Variants in CSMD1 observed in about 807,000 individuals in gnomAD.
The protein encoded by CSMD1 is CUB and Sushi multiple domains 1.
In CSMD1, 213 loss-of-function variants were observed where a neutral mutation model predicts 417.5. The observed-to-expected ratio is 0.51, with a 90% confidence interval of 0.46 to 0.57. The LOEUF (loss-of-function observed/expected upper bound fraction) is 0.57, where lower values mean the gene tolerates loss of function less well. CSMD1 is among the 20% of genes least tolerant of loss of function. The probability of loss-of-function intolerance (pLI) is 0.00; values close to 1 mark genes in which losing one functional copy is unlikely to be tolerated. For synonymous variants in CSMD1, 2,862 were observed against 1,736.8 expected, an observed-to-expected ratio of 1.65 and a Z score of -16.11; for missense variants, 6,923 against 4,529.7, an observed-to-expected ratio of 1.53 and a Z score of -15.17.
At chr8:3,736,620 G>T (rs548741423) in intron 6 of CSMD1, among the ~76,000 whole-genome samples, 1 of 152,182 alleles carries the variant, frequency 6.6e-6, no homozygotes, top group Non-Finnish European at 1.5e-5. Context: ...GGCAATGGCA[G>T]AGTGAATCTT....
chr8:4,603,569 C>T (rs1800706451), intron 2 of CSMD1, among the ~76,000 whole-genome samples: 1 of 152,058 alleles, frequency 6.6e-6, no homozygotes, highest in Admixed American at 6.6e-5. Context: ...TAAGTGACCT[C>T]ATGATTTCAT....
intron 5 of CSMD1, among the ~76,000 whole-genome samples, chr8:3,787,249 T>G (rs1799500300): frequency 6.6e-6 from 1 of 152,108 alleles, no homozygotes; most frequent in Non-Finnish European, 1.5e-5. Context: ...AAAAAGAATT[T>G]GAAAAAACTT....
rs377693499 is a variant in CSMD1 at position 4,611,534 on chromosome 8, C to G, written c.302+25808G>C. On this transcript the variant is annotated intron_variant, in intron 2 of 69. Coordinates refer to ENST00000635120, the MANE Select transcript of CSMD1 (RefSeq NM_033225.6). The stretch of plus-strand genomic sequence containing the variant: ...AAAACTATCGCAATTTATTAAGACC[C>G]GTATATGTATTGCCAAATTGCCTTC... Among the ~76,000 whole-genome samples the G allele has an allele frequency of 4.0e-4, 61 of 152,170 alleles. 1 individual carries two copies. In the South Asian group the frequency reaches 0.012, roughly 29 times the overall value.
chr8:3,954,646 G>A (rs574396692), intron 5 of CSMD1, among the ~76,000 whole-genome samples: 2 of 152,352 alleles, frequency 1.3e-5, no homozygotes, highest in East Asian at 3.9e-4. Context: ...ACAGGCGTGA[G>A]CCACCGCACC....
chr8:4,162,023 G>A (rs750372305), intron 3 of CSMD1, among the ~76,000 whole-genome samples: 4 of 152,118 alleles, frequency 2.6e-5, no homozygotes, highest in South Asian at 2.1e-4. Context: ...ATTTGCCTTC[G>A]ACTTTGCTAA....
chr8:3,618,467 A>G (rs946260094), intron 7 of CSMD1, among the ~76,000 whole-genome samples: 26 of 150,120 alleles, frequency 1.7e-4, no homozygotes, highest in Admixed American at 4.6e-4. Flanking sequence ...CTTTTTTAAA[A>G]TAAGTTTTTT....
chr8:3,910,541 G>T (rs1808397654), intron 5 of CSMD1, among the ~76,000 whole-genome samples: 1 of 152,260 alleles, frequency 6.6e-6, no homozygotes, highest in African/African-American at 2.4e-5. Flanking sequence ...TTCAAATGGT[G>T]CCTTCAGAAT....
intron 6 of CSMD1, among the ~76,000 whole-genome samples, chr8:3,729,189 A>G (rs2129046998): frequency 6.6e-6 from 1 of 152,338 alleles, no homozygotes; most frequent in African/African-American, 2.4e-5. Context: ...CTGCCACGCA[A>G]TAAGCAATGC....
rs147465481 is a variant in CSMD1, at chr8:4,687,884, C to G, written c.86-50326G>C. Among the ~76,000 whole-genome samples, 449 of 152,064 alleles carry G rather than the reference C, an allele frequency of 3.0e-3. 2 individuals carry two copies. The highest frequency in any genetic ancestry group is 4.8e-3 in the Non-Finnish European group (324 of 67,976). Reference sequence around the variant, plus strand: ...ACACTCATCTCCTGCATGCCTGTGTCAGGAGCCAATCTGGATAACGACATG... The same window carrying G: ...ACACTCATCTCCTGCATGCCTGTGTGAGGAGCCAATCTGGATAACGACATG... On this transcript the variant is annotated intron_variant, in intron 1 of 69. Transcript: ENST00000635120.
chr8:3,722,304 T>C (rs541671176), intron 6 of CSMD1, among the ~76,000 whole-genome samples: 2 of 152,194 alleles, frequency 1.3e-5, no homozygotes, highest in African/African-American at 2.4e-5. Flanking sequence ...TGAGACTCCA[T>C]CTCAAATAAA....
chr8:4,268,840 G>C (rs918541777), intron 3 of CSMD1, among the ~76,000 whole-genome samples: 3 of 151,874 alleles, frequency 2.0e-5, no homozygotes, highest in Non-Finnish European at 2.9e-5. Context: ...TCTTAATATG[G>C]GAGAGATTTT....
At chr8:4,801,172 C>G (rs939721397) in intron 1 of CSMD1, among the ~76,000 whole-genome samples, 4 of 152,208 alleles carry the variant, frequency 2.6e-5, no homozygotes, top group Non-Finnish European at 5.9e-5. Flanking sequence ...TTACTTCAGA[C>G]TGTCTGTGCC....
chr8:3,375,961 C>T (rs529846430), intron 18 of CSMD1, among the ~76,000 whole-genome samples: 25 of 152,172 alleles, frequency 1.6e-4, no homozygotes, highest in Non-Finnish European at 3.7e-4. Flanking sequence ...TCCAAAATTG[C>T]CTCCAAGCTT....
intron 1 of CSMD1, among the ~76,000 whole-genome samples, chr8:4,958,746 T>C (rs1203054302): frequency 1.3e-5 from 2 of 151,378 alleles, no homozygotes; most frequent in African/African-American, 4.9e-5. Context: ...ATATAAGTCA[T>C]CAGTAATTTC....
intron 3 of CSMD1, among the ~76,000 whole-genome samples, chr8:4,341,123 C>T (rs1378121848): frequency 3.9e-5 from 6 of 151,978 alleles, no homozygotes; most frequent in Admixed American, 2.6e-4. Context: ...TACATCGTTG[C>T]CTAGGTAACA....
intron 41 of CSMD1, among the ~76,000 whole-genome samples, chr8:3,135,846 G>C (rs897344456): frequency 2.0e-5 from 3 of 152,132 alleles, no homozygotes; most frequent in Middle Eastern, 3.2e-3. Context: ...AGGAGAAGCA[G>C]GGTCCTGTCC....
At chr8:3,780,817 T>G (rs1172672175) in intron 5 of CSMD1, among the ~76,000 whole-genome samples, 7 of 152,202 alleles carry the variant, frequency 4.6e-5, no homozygotes, top group Admixed American at 4.6e-4. Context: ...CCCTAGTGCT[T>G]TGCCATAGAA....
chr8:3,683,220 A>T (rs1000032003), intron 7 of CSMD1, among the ~76,000 whole-genome samples: 1 of 150,656 alleles, frequency 6.6e-6, no homozygotes, highest in Non-Finnish European at 1.5e-5. Context: ...ATATAAAATT[A>T]AAAAATAAAA....
At chr8:3,117,313 C>A (rs573233932) in intron 42 of CSMD1, among the ~76,000 whole-genome samples, 1 of 152,214 alleles carries the variant, frequency 6.6e-6, no homozygotes, top group Non-Finnish European at 1.5e-5. Context: ...TCTTGTGATC[C>A]GCCCACCTCA....
Sources: gnomAD v4.1 joint callset for allele counts (sites outside exome capture counted in the v4.1 genomes callset) on GRCh38, gnomAD v4.1.1 for gene constraint, MANE v1.5 for transcripts, NCBI Gene and HGNC (gene_info 2026-07-23, HGNC 2026-07-21) for gene names.